The following RPS6KC1 variants were observed in gnomAD, a reference collection of about 807,000 sequenced individuals.
The protein encoded by RPS6KC1 is inactive ribosomal protein S6 kinase delta-1.
RPS6KC1 carries 54 observed loss-of-function variants against 103.8 expected under a neutral mutation model. The ratio of observed to expected loss-of-function variants is 0.52; its 90% CI spans 0.42 to 0.65. The LOEUF is 0.65. Among genes scored for constraint, RPS6KC1 ranks in the 30% least tolerant of loss-of-function variants. The probability of loss-of-function intolerance (pLI) is 0.00; values close to 1 mark genes in which losing one functional copy is unlikely to be tolerated. For synonymous variants in RPS6KC1, 439 were observed against 438.7 expected, an observed-to-expected ratio of 1.00 and a Z score of -0.01; for missense variants, 1,151 against 1,253.8, an observed-to-expected ratio of 0.92 and a Z score of 1.24.
At chr1:213,191,605 C>G (rs2092746712) in intron 8 of RPS6KC1, among the ~76,000 whole-genome samples, 1 of 151,924 alleles carries the variant, frequency 6.6e-6, no homozygotes, top group South Asian at 2.1e-4. Flanking sequence ...TTGAGTTCTT[C>G]CTTTTCAATT....
the RPS6KC1 span, among the ~76,000 whole-genome samples, chr1:213,637,637 T>A: frequency 6.6e-6 from 1 of 152,152 alleles, no homozygotes; most frequent in South Asian, 2.1e-4. Context: ...TATATTTAAC[T>A]GTACGAAACC....
At chr1:213,130,991 T>C (rs374009040) in intron 6 of RPS6KC1, among the ~76,000 whole-genome samples, 1 of 152,292 alleles carries the variant, frequency 6.6e-6, no homozygotes, top group Non-Finnish European at 1.5e-5. Flanking sequence ...TCTCAGTTTC[T>C]TTATTCTTGT....
the RPS6KC1 span, among the ~76,000 whole-genome samples, chr1:213,760,556 T>TA: frequency 3.9e-5 from 6 of 152,234 alleles, no homozygotes; most frequent in South Asian, 6.2e-4. Flanking sequence ...TTCCCTCTGT[T>TA]AAAAAAACAT....
the RPS6KC1 span, among the ~76,000 whole-genome samples, chr1:213,730,904 G>A: frequency 6.6e-6 from 1 of 152,112 alleles, no homozygotes; most frequent in African/African-American, 2.4e-5. Flanking sequence ...TGTAGTTCTA[G>A]GTTTTACATT....
At chr1:213,522,456 T>G in the RPS6KC1 span, among the ~76,000 whole-genome samples, 1 of 152,240 alleles carries the variant, frequency 6.6e-6, no homozygotes, top group African/African-American at 2.4e-5. Context: ...GGTCACCAGC[T>G]GCATTAACCC....
the RPS6KC1 span, among the ~76,000 whole-genome samples, chr1:213,724,553 C>T: frequency 6.6e-6 from 1 of 152,124 alleles, no homozygotes; most frequent in South Asian, 2.1e-4. Flanking sequence ...CACTCCAAGG[C>T]ATTCACCCGA....
chr1:213,736,924 T>C, the RPS6KC1 span, among the ~76,000 whole-genome samples: 1 of 152,184 alleles, frequency 6.6e-6, no homozygotes, highest in Non-Finnish European at 1.5e-5. Flanking sequence ...CCAGAGGTGG[T>C]CAAACTATTC....
chr1:213,649,265 A>AC, the RPS6KC1 span, among the ~76,000 whole-genome samples: 1 of 151,340 alleles, frequency 6.6e-6, no homozygotes, highest in Non-Finnish European at 1.5e-5. Context: ...ACTTAAAAAA[A>AC]AAAAAAAAAG....
At chr1:213,232,284 A>G in intron 10 of RPS6KC1, 29 bp downstream of exon 10, 21 of 1,613,472 alleles carry the variant, frequency 1.3e-5, no homozygotes, top group Non-Finnish European at 1.7e-5. Context: ...TTGTTTATGC[A>G]GTGAAGAATG....
At chr1:213,808,651 G>A in the RPS6KC1 span, among the ~76,000 whole-genome samples, 6 of 152,236 alleles carry the variant, frequency 3.9e-5, no homozygotes, top group Non-Finnish European at 7.3e-5. Context: ...TATTTGGGTG[G>A]GAGTGACCCG....
chr1:213,215,025 A>G (rs1386791821), intron 8 of RPS6KC1, among the ~76,000 whole-genome samples: 2 of 152,244 alleles, frequency 1.3e-5, no homozygotes, highest in East Asian at 1.9e-4. Flanking sequence ...AAAGCTGGAC[A>G]GAGAATGACT....
At chr1:213,201,577 T>G (rs1324156763) in intron 8 of RPS6KC1, among the ~76,000 whole-genome samples, 1 of 152,154 alleles carries the variant, frequency 6.6e-6, no homozygotes, top group African/African-American at 2.4e-5. Context: ...TAATAGAAAC[T>G]GTGTACTCCA....
At chr1:213,689,868 A>G in the RPS6KC1 span, among the ~76,000 whole-genome samples, 2 of 152,220 alleles carry the variant, frequency 1.3e-5, no homozygotes, top group Non-Finnish European at 2.9e-5. Flanking sequence ...TCTGGGGATC[A>G]ATGTACACCC....
At chr1:213,617,579 A>G in the RPS6KC1 span, among the ~76,000 whole-genome samples, 13 of 152,208 alleles carry the variant, frequency 8.5e-5, no homozygotes, top group Non-Finnish European at 1.8e-4. Context: ...GAAAGCATAA[A>G]TGCTTTAGAT....
the RPS6KC1 span, among the ~76,000 whole-genome samples, chr1:213,449,212 G>T: frequency 6.6e-6 from 1 of 152,100 alleles, no homozygotes; most frequent in Non-Finnish European, 1.5e-5. Context: ...TAGGCTCTGG[G>T]ACCCGCCCCA....
At chr1:213,790,499 G>A in the RPS6KC1 span, among the ~76,000 whole-genome samples, 1 of 152,120 alleles carries the variant, frequency 6.6e-6, no homozygotes, top group African/African-American at 2.4e-5. Flanking sequence ...GTTAAATTTA[G>A]AAGAGTTGTC....
the RPS6KC1 span, among the ~76,000 whole-genome samples, chr1:213,584,754 G>A: frequency 6.6e-6 from 1 of 152,178 alleles, no homozygotes; most frequent in Non-Finnish European, 1.5e-5. Context: ...GAAGATGAAT[G>A]GTTCTTAGGT....
At chr1:213,608,507 T>G in the RPS6KC1 span, among the ~76,000 whole-genome samples, 1 of 152,136 alleles carries the variant, frequency 6.6e-6, no homozygotes, top group Admixed American at 6.5e-5. Context: ...TGGAGGGTCG[T>G]GTGGGGATGA....
intron 8 of RPS6KC1, among the ~76,000 whole-genome samples, chr1:213,179,410 G>A (rs2092114306): frequency 6.7e-6 from 1 of 148,698 alleles, no homozygotes; most frequent in African/African-American, 2.5e-5. Context: ...GCCAGACCCT[G>A]TCTCAAAAAA....
Sources: allele counts gnomAD v4.1 joint callset (sites outside exome capture counted in the v4.1 genomes callset), GRCh38; gene constraint gnomAD v4.1.1; transcripts MANE v1.5; gene names NCBI Gene and HGNC (gene_info 2026-07-23, HGNC 2026-07-21).